The following BNC2 variants were observed in gnomAD, a reference collection of about 807,000 sequenced individuals.
The protein encoded by BNC2 is zinc finger protein basonuclin-2.
BNC2 carries 20 observed loss-of-function variants against 76.3 expected under a neutral mutation model. That is an observed-to-expected ratio of 0.26 (90% CI 0.18 to 0.38). The LOEUF (loss-of-function observed/expected upper bound fraction) is 0.38. Ranked by LOEUF, BNC2 falls within the 10% of genes least tolerant of loss-of-function variation. The pLI is 1.00. For synonymous variants in BNC2, 582 were observed against 514.8 expected (o/e 1.13, Z -1.77); for missense variants, 1,382 against 1,399.8 (o/e 0.99, Z 0.20).
At chr9:16,443,522 G>T (rs1821171797) in intron 5 of BNC2, among the ~76,000 whole-genome samples, 2 of 148,846 alleles carry the variant, frequency 1.3e-5, no homozygotes, top group Admixed American at 1.3e-4. Flanking sequence ...TAGGTAAAAT[G>T]AAACAGTAAT....
chr9:16,771,809 A>G (rs1825840952), intron 1 of BNC2, among the ~76,000 whole-genome samples: 1 of 152,224 alleles, frequency 6.6e-6, no homozygotes, highest in South Asian at 2.1e-4. Context: ...CCGCCAAGAA[A>G]TTCAAGACTG....
chr9:16,805,703 T>C (rs1381188931), intron 1 of BNC2, among the ~76,000 whole-genome samples: 2 of 132,572 alleles, frequency 1.5e-5, no homozygotes, highest in Non-Finnish European at 1.5e-5. Flanking sequence ...CATGTATAAT[T>C]TGCATACATG....
chr9:16,503,233 C>T (rs1822557901), intron 5 of BNC2, among the ~76,000 whole-genome samples: 1 of 152,154 alleles, frequency 6.6e-6, no homozygotes, highest in South Asian at 2.1e-4. Flanking sequence ...TTACAACAAA[C>T]ATCATTTCTA....
At chr9:16,661,275 T>C (rs1409110644) in intron 3 of BNC2, among the ~76,000 whole-genome samples, 1 of 152,190 alleles carries the variant, frequency 6.6e-6, no homozygotes, top group Non-Finnish European at 1.5e-5. Context: ...AGTCTTACTA[T>C]AGCTAGTCCT....
At chr9:16,526,687 A>G (rs921491131) in intron 5 of BNC2, among the ~76,000 whole-genome samples, 1 of 152,036 alleles carries the variant, frequency 6.6e-6, no homozygotes, top group Non-Finnish European at 1.5e-5. Context: ...GCCATAATTT[A>G]TTGCCTGAAC....
At chr9:16,652,243 T>C (rs555608689) in intron 3 of BNC2, among the ~76,000 whole-genome samples, 1 of 152,188 alleles carries the variant, frequency 6.6e-6, no homozygotes, top group Admixed American at 6.5e-5. Flanking sequence ...TTTCAGATAA[T>C]AGCACTTTTA....
intron 5 of BNC2, among the ~76,000 whole-genome samples, chr9:16,459,232 CTA>C (rs1821520984): frequency 6.6e-6 from 1 of 152,196 alleles, no homozygotes; most frequent in African/African-American, 2.4e-5. Context: ...TCACGTTCTC[CTA>C]TAGCATGACC....
intron 3 of BNC2, among the ~76,000 whole-genome samples, chr9:16,607,034 A>G (rs768533297): frequency 6.6e-6 from 1 of 151,624 alleles, no homozygotes; most frequent in Non-Finnish European, 1.5e-5. Flanking sequence ...TGCAGCCTCA[A>G]CCTCCTGGGC....
chr9:16,726,668 CTT>C (rs1824333054), intron 3 of BNC2: 1 of 151,330 alleles, frequency 6.6e-6, no homozygotes, highest in African/African-American at 2.4e-5. Flanking sequence ...GTCAATAGTA[CTT>C]TCGTGCTGTG....
At chr9:16,763,979 A>G (rs1825622535) in intron 1 of BNC2, among the ~76,000 whole-genome samples, 1 of 152,196 alleles carries the variant, frequency 6.6e-6, no homozygotes, top group Non-Finnish European at 1.5e-5. Flanking sequence ...ATCCTAACAC[A>G]AAGTCCCTTA....
intron 1 of BNC2, among the ~76,000 whole-genome samples, chr9:16,814,590 G>A (rs1818136426): frequency 6.6e-6 from 1 of 152,172 alleles, no homozygotes; most frequent in Non-Finnish European, 1.5e-5. Context: ...ACCTTTGGAA[G>A]TGTCCTCAGT....
At chr9:16,443,064 CAA>C (rs908689709) in intron 5 of BNC2, among the ~76,000 whole-genome samples, 12 of 63,664 alleles carry the variant, frequency 1.9e-4, no homozygotes, top group Non-Finnish European at 3.1e-4. Flanking sequence ...GAGACTCTGT[CAA>C]AAAAAAAAAA....
chr9:16,762,172 T>C (rs1370595335), intron 1 of BNC2, among the ~76,000 whole-genome samples: 1 of 152,164 alleles, frequency 6.6e-6, no homozygotes, highest in African/African-American at 2.4e-5. Flanking sequence ...TATTTTTTCA[T>C]GGACATCATC....
chr9:16,516,146 C>T (rs1187472248), intron 5 of BNC2, among the ~76,000 whole-genome samples: 1 of 152,194 alleles, frequency 6.6e-6, no homozygotes, highest in Non-Finnish European at 1.5e-5. Flanking sequence ...GGTAAACACA[C>T]AGCCTAACTG....
intron 3 of BNC2, among the ~76,000 whole-genome samples, chr9:16,610,764 C>T (rs1034540986): frequency 6.6e-6 from 1 of 152,122 alleles, no homozygotes; most frequent in Non-Finnish European, 1.5e-5. Flanking sequence ...ACATCATACA[C>T]ACACTTAAAA....
intron 5 of BNC2, among the ~76,000 whole-genome samples, chr9:16,453,652 T>C (rs570256102): frequency 6.6e-6 from 1 of 152,180 alleles, no homozygotes; most frequent in African/African-American, 2.4e-5. Flanking sequence ...CTCCTCCCTT[T>C]AAAATAAACC....
At chr9:16,777,139 TAATTAATA>T (rs781209492) in intron 1 of BNC2, among the ~76,000 whole-genome samples, 13 of 150,088 alleles carry the variant, frequency 8.7e-5, no homozygotes, top group Non-Finnish European at 1.3e-4. Context: ...AAAAAATAAT[TAATTAATA>T]AATTAAAAAA....
intron 1 of BNC2, among the ~76,000 whole-genome samples, chr9:16,823,911 A>G (rs1381668891): frequency 6.6e-6 from 1 of 152,230 alleles, no homozygotes; most frequent in Non-Finnish European, 1.5e-5. Flanking sequence ...CTCCTATCAA[A>G]TTATATTAGA....
chr9:16,659,472 G>T (rs1332731272), intron 3 of BNC2, among the ~76,000 whole-genome samples: 3 of 152,214 alleles, frequency 2.0e-5, no homozygotes, highest in Middle Eastern at 3.4e-3. Flanking sequence ...GCTGTGTGTG[G>T]TGGTGCATGC....
Sources: gnomAD v4.1 joint callset for allele counts (sites outside exome capture counted in the v4.1 genomes callset) on GRCh38, gnomAD v4.1.1 for gene constraint, MANE v1.5 for transcripts, NCBI Gene and HGNC (gene_info 2026-07-23, HGNC 2026-07-21) for gene names.